The following NAV3 variants were observed in gnomAD, a reference collection of about 807,000 sequenced individuals.
NAV3 encodes pore membrane and/or filament interacting like protein 1.
In NAV3, 87 loss-of-function variants were observed where a neutral mutation model predicts 244.7. That is an observed-to-expected ratio of 0.36 (90% CI 0.30 to 0.42). NAV3 has a LOEUF of 0.42. NAV3 is among the 20% of genes least tolerant of loss of function. NAV3 has a pLI of 1.00. For synonymous variants in NAV3, 1,126 were observed against 1,042.2 expected, an observed-to-expected ratio of 1.08 and a Z score of -1.55; for missense variants, 2,663 against 2,893.3, an observed-to-expected ratio of 0.92 and a Z score of 1.83.
chr12:77,763,543 G>A (rs1156312775), intron 2 of NAV3, among the ~76,000 whole-genome samples: 1 of 152,164 alleles, frequency 6.6e-6, no homozygotes, highest in African/African-American at 2.4e-5. Flanking sequence ...ACCCTAATAC[G>A]AGTAATGCAC....
chr12:77,757,099 A>G (rs1869220109), intron 2 of NAV3, among the ~76,000 whole-genome samples: 1 of 152,196 alleles, frequency 6.6e-6, no homozygotes, highest in Non-Finnish European at 1.5e-5. Flanking sequence ...GGATCCTCTT[A>G]AAGTCTTTTT....
intron 12 of NAV3, among the ~76,000 whole-genome samples, chr12:78,099,806 A>T (rs914459684): frequency 1.4e-4 from 22 of 151,934 alleles, no homozygotes; most frequent in Non-Finnish European, 3.1e-4. Flanking sequence ...CATTTAAAAA[A>T]AATAGATGTT....
At chr12:77,581,998 G>T (rs1179105876) in intron 2 of NAV3, among the ~76,000 whole-genome samples, 1 of 152,068 alleles carries the variant, frequency 6.6e-6, no homozygotes, top group Non-Finnish European at 1.5e-5. Flanking sequence ...ACTTTTCCTT[G>T]CATTTTCTTC....
At chr12:77,733,098 T>G (rs1387327508) in intron 2 of NAV3, among the ~76,000 whole-genome samples, 1 of 151,934 alleles carries the variant, frequency 6.6e-6, no homozygotes, top group African/African-American at 2.4e-5. Context: ...TGCAATATTA[T>G]GGAAAATTAA....
chr12:78,139,320 G>A (rs549891399), intron 19 of NAV3, among the ~76,000 whole-genome samples: 2 of 152,140 alleles, frequency 1.3e-5, no homozygotes, highest in Admixed American at 6.6e-5. Flanking sequence ...CAGGTCTTAA[G>A]CACCTCCCAT....
At chr12:77,643,915 C>T (rs1042041474) in intron 2 of NAV3, among the ~76,000 whole-genome samples, 2 of 151,982 alleles carry the variant, frequency 1.3e-5, no homozygotes, top group Admixed American at 6.6e-5. Flanking sequence ...TCTTCCTTGC[C>T]AAAAGATTTA....
rs867485230 is a variant in NAV3 at position 78,212,654 on chromosome 12, A to T, written c.*2137A>T. On this transcript the variant is annotated 3_prime_UTR_variant, in exon 40 of 40. Coordinates refer to ENST00000397909, the MANE Select transcript of NAV3 (RefSeq NM_001024383.2). Reference sequence around the variant, plus strand: ...CTGCCATTTTGAGAAACACAGTCCAAACATGAGCATAAACAGAATTTCCTG... The same window carrying T: ...CTGCCATTTTGAGAAACACAGTCCATACATGAGCATAAACAGAATTTCCTG... The T allele has an allele frequency of 6.5e-5, 10 of 152,742 alleles. No homozygotes were observed. The highest frequency in any genetic ancestry group is 3.4e-3 in the Middle Eastern group (1 of 294). The allele number at this position is 152,742 out of a possible 1,614,324, so 9.5% of individuals were successfully genotyped here.
intron 5 of NAV3, among the ~76,000 whole-genome samples, chr12:77,979,045 A>G (rs1869036437): frequency 6.6e-6 from 1 of 151,690 alleles, no homozygotes; most frequent in African/African-American, 2.4e-5. Flanking sequence ...TCAAATTTGA[A>G]AAATTACTGA....
At chr12:77,694,823 C>G (rs531106474) in intron 2 of NAV3, among the ~76,000 whole-genome samples, 1 of 152,242 alleles carries the variant, frequency 6.6e-6, no homozygotes, top group East Asian at 1.9e-4. Flanking sequence ...AGGCTTTGTC[C>G]ATAATTATGC....
intron 2 of NAV3, among the ~76,000 whole-genome samples, chr12:77,673,436 G>T (rs1010576161): frequency 6.6e-6 from 1 of 151,870 alleles, no homozygotes; most frequent in East Asian, 1.9e-4. Flanking sequence ...AACTGTTAAG[G>T]TTTTCTTTTA....
At chr12:77,788,267 GAGA>G (rs1870999630) in intron 2 of NAV3, among the ~76,000 whole-genome samples, 1 of 152,172 alleles carries the variant, frequency 6.6e-6, no homozygotes, top group African/African-American at 2.4e-5. Flanking sequence ...GAATGATGTT[GAGA>G]TGTTTATAGT....
At chr12:78,037,488 A>G (rs1593348816) in intron 9 of NAV3, 1 of 595,926 alleles carries the variant, frequency 1.7e-6, no homozygotes, top group East Asian at 2.8e-5. Context: ...ATGTTTTTAG[A>G]CTGATTTTTA....
chr12:78,179,408 C>T (rs1325455999), intron 28 of NAV3, 121 bp from the exon 29 acceptor site: 3 of 1,158,976 alleles, frequency 2.6e-6, no homozygotes, highest in Non-Finnish European at 2.4e-6. Flanking sequence ...TAGGTTTTGC[C>T]AGCAGCACAC....
At chr12:77,813,588 AT>A (rs1872397032) in intron 2 of NAV3, among the ~76,000 whole-genome samples, 2 of 152,172 alleles carry the variant, frequency 1.3e-5, no homozygotes, top group African/African-American at 2.4e-5. Flanking sequence ...TGGAGGGCCT[AT>A]CCCAAATCCT....
At chr12:78,184,128 A>T (rs1755420786) in intron 30 of NAV3, among the ~76,000 whole-genome samples, 1 of 151,864 alleles carries the variant, frequency 6.6e-6, no homozygotes, top group South Asian at 2.1e-4. Flanking sequence ...CAGAGTGCTT[A>T]AACTATTCTG....
chr12:77,982,428 A>G (rs977851770), intron 5 of NAV3, among the ~76,000 whole-genome samples: 1 of 152,210 alleles, frequency 6.6e-6, no homozygotes, highest in Non-Finnish European at 1.5e-5. Flanking sequence ...TAAATATTTA[A>G]GCAGATGGCT....
intron 8 of NAV3, among the ~76,000 whole-genome samples, chr12:78,012,012 C>T (rs1011648196): frequency 1.3e-5 from 2 of 148,560 alleles, no homozygotes; most frequent in Admixed American, 1.3e-4. Flanking sequence ...CCATCACTTC[C>T]CACCAGGTCC....
chr12:78,021,942 T>C (rs896417745), intron 9 of NAV3, 80 bp downstream of exon 9: 13 of 776,688 alleles, frequency 1.7e-5, no homozygotes, highest in African/African-American at 7.0e-5. Flanking sequence ...AAATCATATA[T>C]GTGGTATACT....
At chr12:77,983,315 G>A (rs1869896702) in intron 5 of NAV3, among the ~76,000 whole-genome samples, 1 of 152,206 alleles carries the variant, frequency 6.6e-6, no homozygotes, top group African/African-American at 2.4e-5. Flanking sequence ...TTGCAGATCT[G>A]AAAGTTGGAC....
Sources: allele counts gnomAD v4.1 joint callset (sites outside exome capture counted in the v4.1 genomes callset), GRCh38; gene constraint gnomAD v4.1.1; transcripts MANE v1.5; gene names NCBI Gene and HGNC (gene_info 2026-07-23, HGNC 2026-07-21).